The following ADAMTSL1 variants were observed in gnomAD, a reference collection of about 807,000 sequenced individuals.
The protein encoded by ADAMTSL1 is ADAMTS like 1.
Under a neutral mutation model 201.8 loss-of-function variants are expected in ADAMTSL1, and 126 were observed. The ratio of observed to expected loss-of-function variants is 0.62; its 90% CI spans 0.54 to 0.72. ADAMTSL1 has a LOEUF of 0.72. ADAMTSL1 is among the 30% of genes least tolerant of loss of function. The pLI, the probability that ADAMTSL1 is intolerant of heterozygous loss-of-function variation, is 0.00. For missense variants in ADAMTSL1, 2,679 were observed against 2,277.8 expected (o/e 1.18, Z -3.59); for synonymous variants, 1,121 against 903.4 (o/e 1.24, Z -4.32).
At chr9:18,370,070 A>C (rs1168855442) in intron 2 of ADAMTSL1, among the ~76,000 whole-genome samples, 2 of 152,160 alleles carry the variant, frequency 1.3e-5, no homozygotes, top group Non-Finnish European at 2.9e-5. Context: ...ACCTGAGATG[A>C]GGAGTTTGAG....
intron 2 of ADAMTSL1, among the ~76,000 whole-genome samples, chr9:18,357,893 C>T (rs932139549): frequency 1.3e-5 from 2 of 152,174 alleles, no homozygotes; most frequent in African/African-American, 2.4e-5. Flanking sequence ...GTCCAGCTCT[C>T]TGCATATCCC....
intron 2 of ADAMTSL1, among the ~76,000 whole-genome samples, chr9:18,194,136 G>T (rs972430107): frequency 6.6e-6 from 1 of 151,946 alleles, no homozygotes; most frequent in African/African-American, 2.4e-5. Flanking sequence ...GGATGTGTAG[G>T]AAGAAAAAAA....
intron 1 of ADAMTSL1, among the ~76,000 whole-genome samples, chr9:18,104,235 G>T (rs538900961): frequency 6.6e-6 from 1 of 152,238 alleles, no homozygotes; most frequent in South Asian, 2.1e-4. Flanking sequence ...TCTGCTGAAT[G>T]ATCTTACGTG....
At chr9:18,022,328 G>A (rs1820511114) in intron 1 of ADAMTSL1, among the ~76,000 whole-genome samples, 1 of 152,150 alleles carries the variant, frequency 6.6e-6, no homozygotes, top group Non-Finnish European at 1.5e-5. Flanking sequence ...CCAGCAGGAG[G>A]CAAGCTGCTG....
At chr9:18,837,350 A>G (rs749531833) in intron 23 of ADAMTSL1, among the ~76,000 whole-genome samples, 1 of 152,238 alleles carries the variant, frequency 6.6e-6, no homozygotes, top group Non-Finnish European at 1.5e-5. Context: ...TTTGCTGAAA[A>G]TATTATCCTT....
chr9:18,233,782 C>T (rs781337498), intron 2 of ADAMTSL1, among the ~76,000 whole-genome samples: 4 of 152,178 alleles, frequency 2.6e-5, no homozygotes, highest in Admixed American at 6.5e-5. Flanking sequence ...AGCACTTACA[C>T]GCTTTCTTCT....
intron 2 of ADAMTSL1, among the ~76,000 whole-genome samples, chr9:18,435,159 C>G (rs1396203828): frequency 6.6e-6 from 1 of 152,164 alleles, no homozygotes; most frequent in Non-Finnish European, 1.5e-5. Context: ...TTTAGAAAGG[C>G]TTATTGCTCA....
chr9:18,262,937 A>G (rs1452579350), intron 2 of ADAMTSL1, among the ~76,000 whole-genome samples: 2 of 152,244 alleles, frequency 1.3e-5, no homozygotes, highest in Non-Finnish European at 2.9e-5. Flanking sequence ...AATATAAGTA[A>G]CATAAACATC....
At chr9:18,082,747 C>T (rs1823562523) in intron 1 of ADAMTSL1, among the ~76,000 whole-genome samples, 1 of 151,928 alleles carries the variant, frequency 6.6e-6, no homozygotes, top group African/African-American at 2.4e-5. Context: ...AAGGAGCCTG[C>T]AGGAGAAAGA....
At chr9:18,169,273 T>C (rs528738759) in intron 2 of ADAMTSL1, among the ~76,000 whole-genome samples, 1 of 152,054 alleles carries the variant, frequency 6.6e-6, no homozygotes, top group South Asian at 2.1e-4. Context: ...AACATTTAAG[T>C]CTTTAATCCA....
intron 2 of ADAMTSL1, among the ~76,000 whole-genome samples, chr9:18,447,598 C>G (rs1317570565): frequency 6.6e-6 from 1 of 152,132 alleles, no homozygotes; most frequent in Non-Finnish European, 1.5e-5. Flanking sequence ...TTAGAGGCAC[C>G]TGATGCAAAA....
chr9:18,219,754 C>A (rs1830187696), intron 2 of ADAMTSL1, among the ~76,000 whole-genome samples: 1 of 152,058 alleles, frequency 6.6e-6, no homozygotes, highest in South Asian at 2.1e-4. Flanking sequence ...GGCCTAAGTT[C>A]TTTGTCACTT....
chr9:18,207,798 A>G lies in ADAMTSL1; in HGVS notation c.207+43817A>G, dbSNP rs575884111. ...GTCTCAGGTCCTTTTGAAACAATAC[A>G]GAGTGTTAAAAAAGAAAGCAAGATA... On this transcript the variant is annotated intron_variant, in intron 2 of 29. Transcript: ENST00000680146. 4.0e-5 allele frequency among the ~76,000 whole-genome samples: 6 copies of G among 149,090 alleles called. No homozygotes were observed. In the East Asian group the frequency reaches 1.0e-3, roughly 26 times the overall value.
intron 1 of ADAMTSL1, among the ~76,000 whole-genome samples, chr9:18,001,017 T>G (rs900909594): frequency 1.3e-5 from 2 of 151,964 alleles, no homozygotes; most frequent in Non-Finnish European, 2.9e-5. Flanking sequence ...TGTATCCAGT[T>G]GGGGGAAGTT....
chr9:18,791,898 C>T (rs1822086700), intron 19 of ADAMTSL1, among the ~76,000 whole-genome samples: 2 of 152,172 alleles, frequency 1.3e-5, no homozygotes, highest in East Asian at 1.9e-4. Context: ...TTCCTTTCAT[C>T]AGCCTTGTAG....
At chr9:18,438,839 T>C (rs1027152735) in intron 2 of ADAMTSL1, among the ~76,000 whole-genome samples, 1 of 152,096 alleles carries the variant, frequency 6.6e-6, no homozygotes, top group Non-Finnish European at 1.5e-5. Context: ...GAGAGGCTCA[T>C]TGCACCACGT....
At chr9:18,301,691 G>C (rs1245816824) in intron 2 of ADAMTSL1, among the ~76,000 whole-genome samples, 2 of 152,128 alleles carry the variant, frequency 1.3e-5, no homozygotes, top group African/African-American at 4.8e-5. Context: ...TTAAACCATG[G>C]ATAAGGAGGG....
intron 2 of ADAMTSL1, among the ~76,000 whole-genome samples, chr9:18,519,025 T>C (rs1292292417): frequency 2.0e-5 from 3 of 152,302 alleles, no homozygotes; most frequent in Non-Finnish European, 1.5e-5. Context: ...TGGTGAGCTC[T>C]TTACCTACAA....
intron 2 of ADAMTSL1, among the ~76,000 whole-genome samples, chr9:18,421,248 C>A (rs750958047): frequency 1.1e-4 from 16 of 152,180 alleles, no homozygotes; most frequent in Non-Finnish European, 2.2e-4. Flanking sequence ...AAAGTAATAT[C>A]CCATTGGTAA....
Sources: allele counts gnomAD v4.1 joint callset (sites outside exome capture counted in the v4.1 genomes callset), GRCh38; gene constraint gnomAD v4.1.1; transcripts MANE v1.5; gene names NCBI Gene and HGNC (gene_info 2026-07-23, HGNC 2026-07-21).